DLG2: variants seen among roughly 807,000 people sequenced by gnomAD.
The protein encoded by DLG2 is disks large homolog 2.
Under a neutral mutation model 132.5 loss-of-function variants are expected in DLG2, and 45 were observed. The ratio of observed to expected loss-of-function variants is 0.34; its 90% CI spans 0.27 to 0.44. The LOEUF (loss-of-function observed/expected upper bound fraction) is 0.44. Among genes scored for constraint, DLG2 ranks in the 20% least tolerant of loss-of-function variants. The probability of loss-of-function intolerance (pLI) is 1.00; values close to 1 mark genes in which losing one functional copy is unlikely to be tolerated. For synonymous variants in DLG2, 424 were observed against 419.6 expected (o/e 1.01, Z -0.13); for missense variants, 1,045 against 1,196.9 (o/e 0.87, Z 1.87).
chr11:85,485,983 A>T (rs541535292), intron 3 of DLG2, among the ~76,000 whole-genome samples: 1 of 152,184 alleles, frequency 6.6e-6, no homozygotes, highest in Non-Finnish European at 1.5e-5. Context: ...AGTCCACATC[A>T]TCATGCTAGA....
chr11:84,804,477 G>A (rs1344236715), intron 6 of DLG2, among the ~76,000 whole-genome samples: 1 of 152,094 alleles, frequency 6.6e-6, no homozygotes, highest in Admixed American at 6.6e-5. Flanking sequence ...TATAAAACAA[G>A]CATGAGAATA....
At chr11:85,218,439 A>T (rs1339401356) in intron 4 of DLG2, among the ~76,000 whole-genome samples, 1 of 152,234 alleles carries the variant, frequency 6.6e-6, no homozygotes, top group Non-Finnish European at 1.5e-5. Flanking sequence ...GAAGATATAC[A>T]AGAAGCCAAA....
At chr11:84,042,658 G>C (rs1182476875) in intron 11 of DLG2, among the ~76,000 whole-genome samples, 3 of 151,832 alleles carry the variant, frequency 2.0e-5, no homozygotes, top group Non-Finnish European at 4.4e-5. Context: ...AGGGTGTGCA[G>C]GTTTGTTACA....
chr11:85,392,047 T>G (rs1025049319), intron 3 of DLG2, among the ~76,000 whole-genome samples: 7 of 152,004 alleles, frequency 4.6e-5, no homozygotes, highest in Non-Finnish European at 8.8e-5. Context: ...CCCTAAAGAC[T>G]CCTCCAGGAA....
chr11:85,135,658 T>A (rs1192972255), intron 5 of DLG2, among the ~76,000 whole-genome samples: 1 of 152,194 alleles, frequency 6.6e-6, no homozygotes, highest in Non-Finnish European at 1.5e-5. Context: ...ACCTGACACA[T>A]GTTTGTTGAG....
intron 6 of DLG2, among the ~76,000 whole-genome samples, chr11:84,699,833 C>T (rs1393265620): frequency 6.6e-6 from 1 of 151,562 alleles, no homozygotes; most frequent in Non-Finnish European, 1.5e-5. Flanking sequence ...TTCAAGAAGG[C>T]AAACCTCATG....
At chr11:84,698,771 G>C (rs1406111994) in intron 6 of DLG2, among the ~76,000 whole-genome samples, 2 of 149,654 alleles carry the variant, frequency 1.3e-5, no homozygotes, top group African/African-American at 4.9e-5. Context: ...TTTATGAAAA[G>C]TCAACTGAAT....
rs540230686 is a variant in DLG2 at position 83,881,823 on chromosome 11, T to C, written c.1497-7335A>G. 3.9e-5 allele frequency among the ~76,000 whole-genome samples: 6 copies of C among 152,338 alleles called. No homozygotes were observed. The East Asian group carries it at 1.2e-3, about 29-fold the overall frequency. On this transcript the variant is annotated intron_variant, in intron 15 of 27. Transcript: ENST00000376104. Reference sequence around the variant, plus strand: ...TTTATTCTTATTGCATTTGTTTTTATAATTACATAATTAAATGTTGCAAAA... The same window carrying C: ...TTTATTCTTATTGCATTTGTTTTTACAATTACATAATTAAATGTTGCAAAA...
At chr11:83,661,821 GACCTCCTA>G (rs2074347527) in intron 18 of DLG2, among the ~76,000 whole-genome samples, 1 of 152,136 alleles carries the variant, frequency 6.6e-6, no homozygotes, top group Non-Finnish European at 1.5e-5. Flanking sequence ...AAGACATAGT[GACCTCCTA>G]TTGGGGGCAG....
intron 19 of DLG2, among the ~76,000 whole-genome samples, chr11:83,586,958 C>G (rs972255444): frequency 3.3e-5 from 5 of 152,162 alleles, no homozygotes; most frequent in African/African-American, 9.7e-5. Context: ...TTTTCCTTGA[C>G]ACTAGTAAAT....
At chr11:83,682,462 G>T in intron 18 of DLG2, 1 of 984,542 alleles carries the variant, frequency 1.0e-6, no homozygotes, top group Non-Finnish European at 1.2e-6. Flanking sequence ...TTGGTGTTTG[G>T]GATGTACCAC....
intron 6 of DLG2, among the ~76,000 whole-genome samples, chr11:84,636,157 G>A (rs575254209): frequency 9.2e-5 from 14 of 152,258 alleles, no homozygotes; most frequent in African/African-American, 2.4e-4. Flanking sequence ...CAGAATATGA[G>A]TGAAACAAAT....
At chr11:84,156,575 G>A (rs142403643) in intron 9 of DLG2, among the ~76,000 whole-genome samples, 36 of 152,250 alleles carry the variant, frequency 2.4e-4, no homozygotes, top group Admixed American at 4.6e-4. Flanking sequence ...CTATTTGAAC[G>A]TTTTGTCTGA....
At chr11:83,525,424 A>G (rs1025171596) in intron 21 of DLG2, among the ~76,000 whole-genome samples, 1 of 152,202 alleles carries the variant, frequency 6.6e-6, no homozygotes, top group African/African-American at 2.4e-5. Context: ...TGAAGCTGCA[A>G]AATTCCCTGG....
In DLG2 at chr11:83,456,943, C is replaced by A; in HGVS notation, c.*2875G>T. ...CGCAAAAGGCCTGCAAATAAATGGC[C>A]GACAATTCTGTGGGAGGAGAGCAAA... On this transcript the variant is annotated 3_prime_UTR_variant, in exon 28 of 28. Transcript: ENST00000376104. 1 of 152,570 alleles carries A rather than the reference C, an allele frequency of 6.6e-6. No individual in the cohort carries two copies. Among genetic ancestry groups the A allele is most frequent in the Non-Finnish European group, 1.5e-5 (1 of 68,026 alleles). The allele number at this position is 152,570 out of a possible 1,614,324, so 9.5% of individuals were successfully genotyped here. A position where few individuals can be genotyped will look rare whatever the true frequency, so the allele number is the denominator to read the frequency against.
At chr11:84,396,517 G>A (rs1295351036) in intron 7 of DLG2, among the ~76,000 whole-genome samples, 7 of 152,160 alleles carry the variant, frequency 4.6e-5, no homozygotes, top group South Asian at 4.1e-4. Flanking sequence ...CTACTCAATT[G>A]TGACAAATTC....
intron 6 of DLG2, among the ~76,000 whole-genome samples, chr11:84,850,649 T>A (rs2082063184): frequency 6.6e-6 from 1 of 152,094 alleles, no homozygotes; most frequent in South Asian, 2.1e-4. Flanking sequence ...ATACAGAGTA[T>A]CTTAAAGAAT....
intron 6 of DLG2, among the ~76,000 whole-genome samples, chr11:85,036,236 T>C (rs1168566308): frequency 6.6e-6 from 1 of 152,230 alleles, no homozygotes. Flanking sequence ...TGATTGATTA[T>C]ACCACTTAAA....
chr11:83,558,593 T>G (rs974027244), intron 19 of DLG2, among the ~76,000 whole-genome samples: 5 of 152,178 alleles, frequency 3.3e-5, no homozygotes, highest in African/African-American at 1.2e-4. Flanking sequence ...TCGTACAAGG[T>G]TCACAGACAT....
Sources: gnomAD v4.1 joint callset for allele counts (sites outside exome capture counted in the v4.1 genomes callset) on GRCh38, gnomAD v4.1.1 for gene constraint, MANE v1.5 for transcripts, NCBI Gene and HGNC (gene_info 2026-07-23, HGNC 2026-07-21) for gene names.